Variants in HEPACAM2 observed in about 807,000 individuals in gnomAD.
HEPACAM2 encodes the protein HEPACAM family member 2, also known as mitotic kinetics regulator.
HEPACAM2 carries 49 observed loss-of-function variants against 49.6 expected under a neutral mutation model. The observed-to-expected ratio is 0.99, with a 90% confidence interval of 0.78 to 1.25. The LOEUF is 1.25. HEPACAM2 is among the 50% of genes most tolerant of loss of function. The probability of loss-of-function intolerance (pLI) is 0.00; values close to 1 mark genes in which losing one functional copy is unlikely to be tolerated. For missense variants in HEPACAM2, 525 were observed against 557.2 expected (o/e 0.94, Z 0.58); for synonymous variants, 197 against 202.9 (o/e 0.97, Z 0.25).
intron 9 of HEPACAM2, among the ~76,000 whole-genome samples, chr7:93,191,894 C>T (rs564345896): frequency 1.3e-5 from 2 of 152,192 alleles, no homozygotes; most frequent in South Asian, 4.1e-4. Flanking sequence ...TCCATAGCCA[C>T]TGGAAAATCA....
chr7:93,197,219 C>A (rs1377041097), intron 7 of HEPACAM2, 22 bp downstream of exon 7: 7 of 1,596,758 alleles, frequency 4.4e-6, no homozygotes, highest in Non-Finnish European at 6.0e-6. Context: ...CTGATAATAG[C>A]CCTTTTCAGC....
chr7:93,212,100 A>G (rs1423862437), intron 3 of HEPACAM2, among the ~76,000 whole-genome samples: 1 of 152,012 alleles, frequency 6.6e-6, no homozygotes, highest in Non-Finnish European at 1.5e-5. Flanking sequence ...TTCAATTTCA[A>G]TTTCAGAGGG....
upstream of HEPACAM2, among the ~76,000 whole-genome samples, chr7:93,228,457 AC>A (rs1228117734): frequency 8.8e-6 from 1 of 113,250 alleles, no homozygotes; most frequent in Non-Finnish European, 1.6e-5. Flanking sequence ...ATAAACTCTT[AC>A]CTGCTGGAGT....
intron 3 of HEPACAM2, among the ~76,000 whole-genome samples, chr7:93,211,546 T>G (rs1039894515): frequency 6.6e-6 from 1 of 152,034 alleles, no homozygotes; most frequent in African/African-American, 2.4e-5. Flanking sequence ...CCGAAATCAA[T>G]ATTGAGATTA....
chr7:93,225,824 C>A, intron 1 of HEPACAM2: 2 of 743,942 alleles, frequency 2.7e-6, no homozygotes, highest in African/African-American at 3.6e-5. Context: ...GAGTAACAAT[C>A]TTTTCAAATA....
chr7:93,218,036 T>A (rs998251915), intron 2 of HEPACAM2, among the ~76,000 whole-genome samples: 4 of 151,902 alleles, frequency 2.6e-5, no homozygotes, highest in Non-Finnish European at 5.9e-5. Context: ...AGAAAAGCTG[T>A]CTAGGTAGAG....
At chr7:93,199,350 T>C (rs2116647620) in intron 4 of HEPACAM2, among the ~76,000 whole-genome samples, 1 of 152,222 alleles carries the variant, frequency 6.6e-6, no homozygotes, top group African/African-American at 2.4e-5. Context: ...TTTTAGATTA[T>C]TTTTGCCTCA....
At chr7:93,206,860 A>G (rs1794042276) in intron 4 of HEPACAM2, among the ~76,000 whole-genome samples, 1 of 152,064 alleles carries the variant, frequency 6.6e-6, no homozygotes, top group African/African-American at 2.4e-5. Flanking sequence ...TTCACTATAC[A>G]TTTATCAACC....
At chr7:93,216,337 A>T (rs1486056841) in intron 2 of HEPACAM2, among the ~76,000 whole-genome samples, 2 of 152,196 alleles carry the variant, frequency 1.3e-5, no homozygotes, top group Non-Finnish European at 2.9e-5. Context: ...CAGTCTGAAA[A>T]TAGGATAAAA....
intron 3 of HEPACAM2, among the ~76,000 whole-genome samples, chr7:93,209,117 A>C (rs1794111678): frequency 6.6e-6 from 1 of 152,072 alleles, no homozygotes. Context: ...CTAATCTGAA[A>C]TAGTAAAAGC....
At chr7:93,195,355 A>G (rs1793665861) in intron 8 of HEPACAM2, among the ~76,000 whole-genome samples, 1 of 152,020 alleles carries the variant, frequency 6.6e-6, no homozygotes, top group African/African-American at 2.4e-5. Context: ...GTCTCCCAAG[A>G]AGCTGGGACC....
chr7:93,196,731 T>C (rs1793732865), intron 7 of HEPACAM2, among the ~76,000 whole-genome samples: 3 of 152,164 alleles, frequency 2.0e-5, no homozygotes, highest in Admixed American at 2.0e-4. Flanking sequence ...CAAAACTTTG[T>C]TAACTTATAA....
chr7:93,188,967 C>A lies in HEPACAM2; in HGVS notation c.*300G>T. On this transcript the variant is annotated 3_prime_UTR_variant, in exon 10 of 10. Coordinates refer to ENST00000394468, the MANE Select transcript of HEPACAM2 (RefSeq NM_001039372.4). ...CTAATTGAGGTTTGTAGAGATATTTCATACAAAACTTATGAGGAAACCCCT... is the reference window on the plus strand; with the variant it reads ...CTAATTGAGGTTTGTAGAGATATTTAATACAAAACTTATGAGGAAACCCCT... 1 of 442,014 alleles carries A rather than the reference C, an allele frequency of 2.3e-6. No homozygotes were observed. The highest frequency in any genetic ancestry group is 6.4e-5 in the South Asian group (1 of 15,534). 27.4% of individuals were successfully genotyped at this position (442,014 alleles called of 1,614,324 possible). A position where few individuals can be genotyped will look rare whatever the true frequency, so the allele number is the denominator to read the frequency against.
In HEPACAM2 at chr7:93,208,856, C is replaced by T. The variant is rs1316735979; in HGVS notation, c.736G>A (p.Val246Met). 6.2e-7 allele frequency: 1 copy of T among 1,606,524 alleles called. No individual in the cohort carries two copies. The highest frequency in any genetic ancestry group is 8.5e-7 in the Non-Finnish European group (1 of 1,176,094). ...IIYYGPYGLQ[V>M]NSDKGLKVGE... ...ACTTTTAGCCCTTTATCAGAATTCA[C>T]TTGAAGTCCATAAGGTCCATCTGCA... The change falls in exon 4 of 10, where the codon GTG becomes ATG. Residue 246 changes from valine to methionine, a missense_variant. Coordinates refer to ENST00000394468, the MANE Select transcript of HEPACAM2 (RefSeq NM_001039372.4).
At chr7:93,223,928 T>G (rs544503099) in intron 1 of HEPACAM2, among the ~76,000 whole-genome samples, 3 of 152,142 alleles carry the variant, frequency 2.0e-5, no homozygotes, top group Non-Finnish European at 4.4e-5. Context: ...GAACACATAC[T>G]CTCTTATCAT....
At chr7:93,228,669 A>G (rs1012841680), upstream of HEPACAM2, among the ~76,000 whole-genome samples, 5 of 152,188 alleles carry the variant, frequency 3.3e-5, no homozygotes, top group Non-Finnish European at 7.3e-5. Flanking sequence ...TCAGGAAAAA[A>G]GGGCCTGTAG....
intron 3 of HEPACAM2, among the ~76,000 whole-genome samples, chr7:93,214,674 G>T (rs1207741703): frequency 6.6e-6 from 1 of 152,032 alleles, no homozygotes. Context: ...TTTGATTATG[G>T]TTTTCTCTCC....
At chr7:93,193,440 T>C (rs1793607656) in intron 8 of HEPACAM2, among the ~76,000 whole-genome samples, 1 of 152,156 alleles carries the variant, frequency 6.6e-6, no homozygotes, top group Admixed American at 6.6e-5. Flanking sequence ...ATCACTAACT[T>C]ACCTAACCTA....
At chr7:93,190,366 G>C (rs893057672) in intron 9 of HEPACAM2, among the ~76,000 whole-genome samples, 1 of 152,018 alleles carries the variant, frequency 6.6e-6, no homozygotes, top group African/African-American at 2.4e-5. Context: ...TGGAGAAGGA[G>C]AGGAAAAGAG....
Sources: allele counts gnomAD v4.1 joint callset (sites outside exome capture counted in the v4.1 genomes callset), GRCh38; gene constraint gnomAD v4.1.1; transcripts MANE v1.5; gene names NCBI Gene and HGNC (gene_info 2026-07-23, HGNC 2026-07-21).